The following PTCHD4 variants were observed in gnomAD, a reference collection of about 807,000 sequenced individuals.
The protein encoded by PTCHD4 is patched domain-containing protein 4.
In PTCHD4, 33 loss-of-function variants were observed where a neutral mutation model predicts 58.1. The observed-to-expected ratio is 0.57, with a 90% CI of 0.43 to 0.76. The LOEUF is 0.76. Among genes scored for constraint, PTCHD4 ranks in the 30% least tolerant of loss-of-function variants. PTCHD4 has a pLI of 0.00. For synonymous variants in PTCHD4, 478 were observed against 409.6 expected (o/e 1.17, Z -2.02); for missense variants, 1,058 against 1,027.1 (o/e 1.03, Z -0.41).
chr6:48,055,084 T>A (rs1764362029), intron 3 of PTCHD4, among the ~76,000 whole-genome samples: 1 of 152,190 alleles, frequency 6.6e-6, no homozygotes, highest in African/African-American at 2.4e-5. Flanking sequence ...TGTTACCCAC[T>A]TCATCATTAT....
rs184012681 is a variant in PTCHD4, at chr6:47,963,089, A to G, written c.898+45545T>C. Among the ~76,000 whole-genome samples the G allele has an allele frequency of 1.6e-4, 24 of 152,214 alleles. 1 individual carries two copies. The highest frequency in any genetic ancestry group is 4.4e-5 in the Non-Finnish European group (3 of 68,012). ...GGTTGCAGTGAGCCAAGATCGTACCACTACACTCTAGCCTGAGCGACAGAG... is the reference window on the plus strand; with the variant it reads ...GGTTGCAGTGAGCCAAGATCGTACCGCTACACTCTAGCCTGAGCGACAGAG... On this transcript the variant is annotated intron_variant, in intron 4 of 4. Coordinates refer to ENST00000339488, the MANE Select transcript of PTCHD4 (RefSeq NM_001384253.1).
At chr6:47,978,575 T>C (rs1269994787) in intron 4 of PTCHD4, among the ~76,000 whole-genome samples, 1 of 152,198 alleles carries the variant, frequency 6.6e-6, no homozygotes, top group Non-Finnish European at 1.5e-5. Context: ...TTTCTAATTA[T>C]GATAAGAATT....
intron 4 of PTCHD4, among the ~76,000 whole-genome samples, chr6:48,000,013 A>C (rs1302788444): frequency 6.6e-6 from 1 of 152,214 alleles, no homozygotes; most frequent in African/African-American, 2.4e-5. Flanking sequence ...AATGTATAAG[A>C]AGTAACTGCA....
intron 4 of PTCHD4, among the ~76,000 whole-genome samples, chr6:47,907,136 A>G (rs1764914201): frequency 6.6e-6 from 1 of 152,144 alleles, no homozygotes; most frequent in African/African-American, 2.4e-5. Context: ...TCCAAGTGGA[A>G]TTGGTGGGAA....
At chr6:47,888,418 G>A (rs1013038466) in intron 4 of PTCHD4, among the ~76,000 whole-genome samples, 1 of 152,108 alleles carries the variant, frequency 6.6e-6, no homozygotes, top group East Asian at 1.9e-4. Context: ...AAATAATTAT[G>A]AGCATGAACA....
At chr6:48,080,433 A>C (rs970127316) in intron 1 of PTCHD4, among the ~76,000 whole-genome samples, 2 of 152,230 alleles carry the variant, frequency 1.3e-5, no homozygotes, top group Admixed American at 1.3e-4. Flanking sequence ...TCTTTCTGTG[A>C]GACCTCATCT....
chr6:47,906,290 T>G (rs892912374), intron 4 of PTCHD4, among the ~76,000 whole-genome samples: 3 of 152,200 alleles, frequency 2.0e-5, no homozygotes, highest in African/African-American at 7.2e-5. Context: ...ACAGCTGTCA[T>G]TGCACACAGT....
chr6:48,002,863 C>T (rs1045896854), intron 4 of PTCHD4, among the ~76,000 whole-genome samples: 2 of 152,022 alleles, frequency 1.3e-5, no homozygotes, highest in African/African-American at 4.8e-5. Context: ...CAGCATTCCC[C>T]CAAGCAGCTC....
chr6:47,890,883 C>T, intron 4 of PTCHD4: 1 of 984,550 alleles, frequency 1.0e-6, no homozygotes, highest in East Asian at 1.1e-4. Context: ...CAATTTTTTT[C>T]TCTGTACCTT....
intron 4 of PTCHD4, among the ~76,000 whole-genome samples, chr6:48,006,869 T>C (rs1485173668): frequency 6.6e-6 from 1 of 152,236 alleles, no homozygotes; most frequent in Admixed American, 6.5e-5. Flanking sequence ...TTATATACTG[T>C]TACATTTTTC....
At chr6:47,956,143 T>G (rs933582021) in intron 4 of PTCHD4, among the ~76,000 whole-genome samples, 1 of 152,244 alleles carries the variant, frequency 6.6e-6, no homozygotes, top group African/African-American at 2.4e-5. Flanking sequence ...CATTGAGAGA[T>G]ATTACACATG....
intron 4 of PTCHD4, chr6:47,890,943 C>T (rs528168290): frequency 2.1e-4 from 199 of 966,394 alleles, no homozygotes; most frequent in South Asian, 1.2e-3. Context: ...CACTGTGGCT[C>T]ACACCTGTAA....
intron 1 of PTCHD4, among the ~76,000 whole-genome samples, chr6:48,101,712 A>T (rs959340200): frequency 3.9e-5 from 6 of 152,170 alleles, no homozygotes; most frequent in Admixed American, 3.9e-4. Flanking sequence ...TGTCATCATC[A>T]AAGAATCTAA....
At position 47,859,713 on chromosome 6, in the gene PTCHD4, A is replaced by T. The variant is rs1025887098; in HGVS notation, c.*18590T>A. Reference sequence around the variant, plus strand: ...ACAATAAACAAATCCCATGACAAATATGAAAGAAGGGAGGAGATTTACTAT... The same window carrying T: ...ACAATAAACAAATCCCATGACAAATTTGAAAGAAGGGAGGAGATTTACTAT... On this transcript the variant is annotated 3_prime_UTR_variant, in exon 5 of 5. Transcript: ENST00000339488. 1.2e-4 allele frequency among the ~76,000 whole-genome samples: 19 copies of T among 152,058 alleles called. No individual in the cohort carries two copies. The highest frequency in any genetic ancestry group is 4.6e-4 in the African/African-American group (19 of 41,436).
chr6:48,098,495 T>C (rs937779509), intron 1 of PTCHD4, among the ~76,000 whole-genome samples: 4 of 152,024 alleles, frequency 2.6e-5, no homozygotes, highest in African/African-American at 9.7e-5. Context: ...CTCACCACCA[T>C]GCCTGGCTAA....
intron 1 of PTCHD4, among the ~76,000 whole-genome samples, chr6:48,092,905 T>A (rs994211587): frequency 2.6e-5 from 4 of 152,090 alleles, no homozygotes; most frequent in African/African-American, 9.7e-5. Flanking sequence ...TGTATCATGG[T>A]CTTGTTTGAA....
chr6:47,878,094 G>A lies in PTCHD4; in HGVS notation c.*209C>T. On this transcript the variant is annotated 3_prime_UTR_variant, in exon 5 of 5. Transcript: ENST00000339488. ...TACATCCAGAAACTTGTTTTTAGAG[G>A]AGAACAAGGTTGCAAATAACTTTTT... 2.2e-6 allele frequency: 1 copy of A among 447,230 alleles called. No individual in the cohort carries two copies. Among genetic ancestry groups the A allele is most frequent in the Non-Finnish European group, 3.9e-6 (1 of 254,546 alleles). 27.7% of individuals were successfully genotyped at this position (447,230 alleles called of 1,614,324 possible).
At position 48,099,824 on chromosome 6, in the gene PTCHD4, A is replaced by G. The variant is rs4711903; in HGVS notation, c.-970+11225T>C. Among the ~76,000 whole-genome samples, 232 of 152,344 alleles carry G rather than the reference A, an allele frequency of 1.5e-3. 6 individuals are homozygous for G. The highest frequency in any genetic ancestry group is 9.5e-3 in the Admixed American group (146 of 15,302). ...CTGAATTTGTTTATGCAGAGATTTA[A>G]TGAACACCAGAATTTTTAGGTGCAT... is the stretch of plus-strand genomic sequence containing the variant. On this transcript the variant is annotated intron_variant, in intron 1 of 4. Transcript: ENST00000339488.
At position 48,005,848 on chromosome 6, in the gene PTCHD4, A is replaced by G. The variant is rs183335571; in HGVS notation, c.898+2786T>C. On this transcript the variant is annotated intron_variant, in intron 4 of 4. Coordinates refer to ENST00000339488, the MANE Select transcript of PTCHD4 (RefSeq NM_001384253.1). Reference sequence around the variant, plus strand: ...GAAGATTCCAAATCCTTTATTTTATATATGAAGGACTTAAGGCAAAGGGAT... The same window carrying G: ...GAAGATTCCAAATCCTTTATTTTATGTATGAAGGACTTAAGGCAAAGGGAT... Among the ~76,000 whole-genome samples, 28 of 152,340 alleles carry G rather than the reference A, an allele frequency of 1.8e-4. No individual in the cohort carries two copies. In the East Asian group the frequency reaches 3.3e-3, roughly 18 times the overall value.
Sources: allele counts gnomAD v4.1 joint callset (sites outside exome capture counted in the v4.1 genomes callset), GRCh38; gene constraint gnomAD v4.1.1; transcripts MANE v1.5; gene names NCBI Gene and HGNC (gene_info 2026-07-23, HGNC 2026-07-21).